PATJ: variants seen among roughly 807,000 people sequenced by gnomAD.
PATJ encodes the protein inaD-like protein.
Under a neutral mutation model 224.9 loss-of-function variants are expected in PATJ, and 190 were observed. The ratio of observed to expected loss-of-function variants is 0.84; its 90% CI spans 0.75 to 0.95. The LOEUF (loss-of-function observed/expected upper bound fraction) is 0.95, where lower values mean the gene tolerates loss of function less well. PATJ is among the 40% of genes least tolerant of loss of function. The pLI is 0.00. For synonymous variants in PATJ, 769 were observed against 820.3 expected, an observed-to-expected ratio of 0.94 and a Z score of 1.07; for missense variants, 2,121 against 2,270.3, an observed-to-expected ratio of 0.93 and a Z score of 1.34.
chr1:61,914,562 C>T (rs779144163), intron 25 of PATJ, 25 bp from the exon 26 acceptor site: 8 of 1,153,692 alleles, frequency 6.9e-6, no homozygotes, highest in South Asian at 1.4e-5. Flanking sequence ...TTTTCTTCCC[C>T]CCACCCCTTT....
chr1:62,084,779 T>A, intron 33 of PATJ, 131 bp downstream of exon 33: 16 of 901,702 alleles, frequency 1.8e-5, no homozygotes, highest in South Asian at 3.2e-5. Flanking sequence ...TATAAATAGA[T>A]GTGCATCCAT....
At chr1:61,813,372 TATATATACACACACAC>T (rs1557690653) in intron 14 of PATJ, among the ~76,000 whole-genome samples, 1 of 44,538 alleles carries the variant, frequency 2.2e-5, no homozygotes, top group Non-Finnish European at 4.6e-5. Flanking sequence ...TATATATATA[TATATATACACACACAC>T]ACACACACAC....
intron 22 of PATJ, among the ~76,000 whole-genome samples, chr1:61,888,345 C>T (rs771712390): frequency 4.6e-5 from 7 of 152,164 alleles, no homozygotes; most frequent in African/African-American, 7.2e-5. Flanking sequence ...GGGACCATCT[C>T]AGCTCACTGC....
chr1:62,094,955 G>T (rs1011880576), intron 33 of PATJ, among the ~76,000 whole-genome samples: 1 of 152,148 alleles, frequency 6.6e-6, no homozygotes, highest in African/African-American at 2.4e-5. Context: ...AGAGTATCCA[G>T]ATTTTTTAAA....
At chr1:62,100,327 G>A (rs1465146979) in intron 33 of PATJ, 2 of 717,292 alleles carry the variant, frequency 2.8e-6, no homozygotes, top group Non-Finnish European at 2.6e-6. Context: ...AGTTCTGGAG[G>A]CTGGGAAGTC....
chr1:62,012,880 G>A (rs1646535307), intron 28 of PATJ, among the ~76,000 whole-genome samples: 1 of 152,100 alleles, frequency 6.6e-6, no homozygotes, highest in South Asian at 2.1e-4. Context: ...CCAGAGATCA[G>A]CATTTTTCTT....
chr1:61,814,266 C>T (rs1232797112), intron 14 of PATJ, among the ~76,000 whole-genome samples: 1 of 151,156 alleles, frequency 6.6e-6, no homozygotes, highest in Non-Finnish European at 1.5e-5. Context: ...GCCTCAGCCT[C>T]CCGAGTAGCT....
chr1:61,954,846 C>T (rs963828903), intron 27 of PATJ, among the ~76,000 whole-genome samples: 8 of 151,600 alleles, frequency 5.3e-5, no homozygotes, highest in Admixed American at 3.3e-4. Flanking sequence ...CTTCTCCTCC[C>T]GGGTTCACAG....
intron 1 of PATJ, among the ~76,000 whole-genome samples, chr1:61,754,484 A>G (rs577180625): frequency 4.7e-5 from 7 of 149,034 alleles, no homozygotes; most frequent in Non-Finnish European, 1.0e-4. Context: ...AACTGGAACT[A>G]CAGCTTTGCC....
chr1:62,043,129 G>A (rs1177916284), intron 30 of PATJ, among the ~76,000 whole-genome samples: 1 of 152,142 alleles, frequency 6.6e-6, no homozygotes, highest in African/African-American at 2.4e-5. Context: ...TACAACCTTG[G>A]TAGAGGCAGT....
chr1:62,128,763 C>T (rs951580488), intron 40 of PATJ, 78 bp from the exon 41 acceptor site: 14 of 1,005,252 alleles, frequency 1.4e-5, no homozygotes, highest in East Asian at 2.4e-5. Context: ...AAATAGGACT[C>T]GCAAAGAATT....
intron 41 of PATJ, among the ~76,000 whole-genome samples, chr1:62,147,176 G>A (rs981171712): frequency 6.6e-6 from 1 of 152,116 alleles, no homozygotes; most frequent in African/African-American, 2.4e-5. Context: ...GATGGGATGG[G>A]ATATGGGATG....
chr1:62,025,667 C>CA (rs1293284949), intron 29 of PATJ, among the ~76,000 whole-genome samples: 1 of 152,066 alleles, frequency 6.6e-6, no homozygotes, highest in Non-Finnish European at 1.5e-5. Flanking sequence ...CTAAAAATGC[C>CA]AAAAAATTAG....
chr1:62,097,423 G>A (rs950332184), intron 33 of PATJ, among the ~76,000 whole-genome samples: 3 of 152,148 alleles, frequency 2.0e-5, no homozygotes, highest in African/African-American at 7.2e-5. Flanking sequence ...TTTAAGCCTT[G>A]GTCTCAAGAG....
chr1:61,764,150 G>A (rs187892797), intron 3 of PATJ, among the ~76,000 whole-genome samples: 2 of 152,070 alleles, frequency 1.3e-5, no homozygotes, highest in East Asian at 1.9e-4. Flanking sequence ...GAGCCACCTC[G>A]CCCGGCCGAA....
chr1:61,858,453 G>A lies in PATJ; in HGVS notation c.2322+2214G>A, dbSNP rs1454729935. On this transcript the variant is annotated intron_variant, in intron 18 of 43. Coordinates refer to ENST00000642238, the MANE Select transcript of PATJ (RefSeq NM_001350145.3). ...ATTTTTGTATTTTTAGTAGAGACAG[G>A]GTTTCACCATGTTGGCCAGGCTGGT... Among the ~76,000 whole-genome samples the A allele has an allele frequency of 2.6e-5, 4 of 152,186 alleles. No homozygotes were observed. The East Asian group carries it at 7.7e-4, about 29-fold the overall frequency.
In PATJ at chr1:62,128,101, G is replaced by A. The variant is rs1665912892; in HGVS notation, c.5166+7G>A. ...ACGGACACAGAAGCTTAAAGTAAACGAGAGAACTGGTTGAAAGACTAACAA... is the reference window on the plus strand; with the variant it reads ...ACGGACACAGAAGCTTAAAGTAAACAAGAGAACTGGTTGAAAGACTAACAA... On this transcript the variant is annotated splice_region_variant and intron_variant, in intron 40 of 43. Coordinates refer to ENST00000642238, the MANE Select transcript of PATJ (RefSeq NM_001350145.3). 1.2e-6 allele frequency: 2 copies of A among 1,613,872 alleles called. No homozygotes were observed. Among genetic ancestry groups the A allele is most frequent in the Non-Finnish European group, 1.7e-6 (2 of 1,179,970 alleles).
chr1:61,769,251 A>G lies in PATJ; in HGVS notation c.385-32A>G, dbSNP rs895099747. ...AGAGTATGTTGGCTAAATGTACACC[A>G]TTGACTTTTTTTTTTAACGCTCCTT... On this transcript the variant is annotated intron_variant, in intron 4 of 43. Transcript: ENST00000642238. The G allele has an allele frequency of 6.3e-6, 10 of 1,593,984 alleles. No homozygotes were observed. The South Asian group carries it at 1.0e-4, about 16-fold the overall frequency.
chr1:61,829,015 C>T (rs1658832758), intron 16 of PATJ, among the ~76,000 whole-genome samples: 1 of 152,142 alleles, frequency 6.6e-6, no homozygotes, highest in African/African-American at 2.4e-5. Context: ...AACACAATGC[C>T]TTGTACGTGG....
Sources: gnomAD v4.1 joint callset for allele counts (sites outside exome capture counted in the v4.1 genomes callset) on GRCh38, gnomAD v4.1.1 for gene constraint, MANE v1.5 for transcripts, NCBI Gene and HGNC (gene_info 2026-07-23, HGNC 2026-07-21) for gene names.